Variants in RAB22A observed in about 807,000 individuals in gnomAD.
The protein encoded by RAB22A is RAB22A, member RAS oncogene family, also known as ras-related protein Rab-22A.
RAB22A carries 13 observed loss-of-function variants against 30.2 expected under a neutral mutation model. That is an observed-to-expected ratio of 0.43 (90% CI 0.28 to 0.68). The LOEUF (loss-of-function observed/expected upper bound fraction) is 0.68, where lower values mean the gene tolerates loss of function less well. Among genes scored for constraint, RAB22A ranks in the 30% least tolerant of loss-of-function variants. The pLI is 0.18. For synonymous variants in RAB22A, 89 were observed against 87.2 expected, an observed-to-expected ratio of 1.02 and a Z score of -0.11; for missense variants, 177 against 246.8, an observed-to-expected ratio of 0.72 and a Z score of 1.89.
intron 2 of RAB22A, among the ~76,000 whole-genome samples, chr20:58,340,813 G>A (rs1986842653): frequency 6.6e-6 from 1 of 152,200 alleles, no homozygotes; most frequent in Admixed American, 6.5e-5. Context: ...AGATGGCACA[G>A]GTGTCTATGG....
At chr20:58,359,229 T>C (rs907856741) in intron 6 of RAB22A, among the ~76,000 whole-genome samples, 4 of 152,218 alleles carry the variant, frequency 2.6e-5, no homozygotes, top group African/African-American at 9.7e-5. Flanking sequence ...TGTGGCTTTT[T>C]TTAATTAAAA....
chr20:58,310,353 G>A (rs1001552907), intron 1 of RAB22A, among the ~76,000 whole-genome samples: 5 of 152,176 alleles, frequency 3.3e-5, no homozygotes, highest in Admixed American at 2.6e-4. Flanking sequence ...TTAGTTGGGA[G>A]TTGGCCAAGT....
intron 2 of RAB22A, among the ~76,000 whole-genome samples, chr20:58,328,596 G>A (rs1469842699): frequency 1.3e-5 from 2 of 152,088 alleles, no homozygotes; most frequent in African/African-American, 4.8e-5. Context: ...AAAGACAACT[G>A]GCTATTTGAG....
At chr20:58,341,776 T>A (rs1986857359) in intron 2 of RAB22A, among the ~76,000 whole-genome samples, 1 of 152,180 alleles carries the variant, frequency 6.6e-6, no homozygotes, top group African/African-American at 2.4e-5. Flanking sequence ...CTTCATTGAG[T>A]CCCAATCCTG....
At chr20:58,351,357 G>A (rs559619204) in intron 3 of RAB22A, among the ~76,000 whole-genome samples, 2 of 151,744 alleles carry the variant, frequency 1.3e-5, no homozygotes, top group South Asian at 4.2e-4. Context: ...AGAAAAATGT[G>A]CAGTATATAT....
At chr20:58,351,947 C>T (rs186019933) in intron 3 of RAB22A, among the ~76,000 whole-genome samples, 98 of 152,150 alleles carry the variant, frequency 6.4e-4, no homozygotes, top group Middle Eastern at 3.4e-3. Flanking sequence ...AAGAGGACTA[C>T]TATAAATATA....
rs951753040 is a variant in RAB22A at position 58,363,049 on chromosome 20, T to C, written c.*3346T>C. 1.3e-5 allele frequency: 2 copies of C among 152,256 alleles called. No individual in the cohort carries two copies. The highest frequency in any genetic ancestry group is 4.8e-5 in the African/African-American group (2 of 41,466). 9.4% of individuals were successfully genotyped at this position (152,256 alleles called of 1,614,324 possible). ...AATTGGTCTAGGAAGCCTTCTAAAT[T>C]AAACTCTGGGAAATATAGTAATGAA... On this transcript the variant is annotated 3_prime_UTR_variant, in exon 7 of 7. Transcript: ENST00000244040.
intron 2 of RAB22A, among the ~76,000 whole-genome samples, chr20:58,336,271 C>T (rs1418923364): frequency 6.6e-6 from 1 of 152,174 alleles, no homozygotes; most frequent in Non-Finnish European, 1.5e-5. Context: ...CTTGGCCTTC[C>T]AAAGTGCTGG....
Position 58,363,136 on chromosome 20 carries a change from T to C in RAB22A, c.*3433T>C, listed in dbSNP as rs1465016749. Reference sequence around the variant, plus strand: ...CAAAATGTCAGTATTTTTAGGGCATTGTGTTAAAATAAGCAGTTTAGATTC... The same window carrying C: ...CAAAATGTCAGTATTTTTAGGGCATCGTGTTAAAATAAGCAGTTTAGATTC... On this transcript the variant is annotated 3_prime_UTR_variant, in exon 7 of 7. Coordinates refer to ENST00000244040, the MANE Select transcript of RAB22A (RefSeq NM_020673.3). The C allele has an allele frequency of 6.6e-6, 1 of 152,188 alleles. No homozygotes were observed. Among genetic ancestry groups the C allele is most frequent in the African/African-American group, 2.4e-5 (1 of 41,446 alleles). 9.4% of individuals were successfully genotyped at this position (152,188 alleles called of 1,614,324 possible).
At chr20:58,358,004 G>C (rs1226894871) in intron 6 of RAB22A, among the ~76,000 whole-genome samples, 1 of 152,226 alleles carries the variant, frequency 6.6e-6, no homozygotes, top group Non-Finnish European at 1.5e-5. Context: ...CTCTTCCCTA[G>C]AAGAGCTTAG....
chr20:58,357,184 A>G (rs1336580555), intron 6 of RAB22A, among the ~76,000 whole-genome samples: 1 of 152,226 alleles, frequency 6.6e-6, no homozygotes, highest in Non-Finnish European at 1.5e-5. Context: ...GTGGGTAGTC[A>G]GTGATCTCCA....
At chr20:58,329,200 C>T (rs1568867290) in intron 2 of RAB22A, among the ~76,000 whole-genome samples, 2 of 151,918 alleles carry the variant, frequency 1.3e-5, no homozygotes, top group Non-Finnish European at 2.9e-5. Context: ...ATTACAGGCG[C>T]CTGCCACCAT....
intron 1 of RAB22A, among the ~76,000 whole-genome samples, chr20:58,310,695 G>A (rs192798696): frequency 8.5e-5 from 13 of 152,272 alleles, no homozygotes; most frequent in Non-Finnish European, 1.5e-4. Flanking sequence ...AAATAGGGTG[G>A]GGCTAGGATT....
chr20:58,359,960 C>A lies in RAB22A; in HGVS notation c.*257C>A. The A allele has an allele frequency of 4.6e-6, 1 of 217,358 alleles. No individual in the cohort carries two copies. Among genetic ancestry groups the A allele is most frequent in the South Asian group, 1.5e-4 (1 of 6,762 alleles). The allele number at this position is 217,358 out of a possible 1,614,324, so 13.5% of individuals were successfully genotyped here. A position where few individuals can be genotyped will look rare whatever the true frequency, so the allele number is the denominator to read the frequency against. On this transcript the variant is annotated 3_prime_UTR_variant, in exon 7 of 7. Coordinates refer to ENST00000244040, the MANE Select transcript of RAB22A (RefSeq NM_020673.3). ...GGCTTTTGACCTTGCTGAAAAGGAA[C>A]ATATAATTGTATGGATGGTAGGATT...
chr20:58,317,658 A>G, intron 2 of RAB22A, among the ~76,000 whole-genome samples: 1 of 143,576 alleles, frequency 7.0e-6, no homozygotes, highest in East Asian at 2.1e-4. Context: ...TCCCGGGTTC[A>G]TGCCATTCTC....
At chr20:58,322,531 G>T (rs1986481398) in intron 2 of RAB22A, among the ~76,000 whole-genome samples, 1 of 152,012 alleles carries the variant, frequency 6.6e-6, no homozygotes, top group Admixed American at 6.5e-5. Context: ...CTACCATCTT[G>T]CTTTATTTTT....
At chr20:58,342,291 A>G (rs551616342) in intron 2 of RAB22A, among the ~76,000 whole-genome samples, 4 of 152,366 alleles carry the variant, frequency 2.6e-5, no homozygotes, top group African/African-American at 4.8e-5. Flanking sequence ...TAAATATCCA[A>G]TAAGTAGTAC....
rs890347841 is a variant in RAB22A at position 58,356,243 on chromosome 20, G to A, written c.487+1978G>A. Reference sequence around the variant, plus strand: ...GGAGACTCGCTTGAACCCGGGAGGTGGAGATTGCAGTGAGCCGAGATCACG... The same window carrying A: ...GGAGACTCGCTTGAACCCGGGAGGTAGAGATTGCAGTGAGCCGAGATCACG... On this transcript the variant is annotated intron_variant, in intron 6 of 6. Transcript: ENST00000244040. Among the ~76,000 whole-genome samples, 3 of 151,712 alleles carry A rather than the reference G, an allele frequency of 2.0e-5. 1 individual carries two copies. Among genetic ancestry groups the A allele is most frequent in the Admixed American group, 2.0e-4 (3 of 15,216 alleles).
intron 2 of RAB22A, among the ~76,000 whole-genome samples, chr20:58,313,843 A>C (rs918987114): frequency 6.6e-6 from 1 of 152,178 alleles, no homozygotes; most frequent in African/African-American, 2.4e-5. Context: ...TTATTTACTT[A>C]CTGTCTTGCT....
Sources: allele counts gnomAD v4.1 joint callset (sites outside exome capture counted in the v4.1 genomes callset), GRCh38; gene constraint gnomAD v4.1.1; transcripts MANE v1.5; gene names NCBI Gene and HGNC (gene_info 2026-07-23, HGNC 2026-07-21).